Variants in COL23A1 observed in about 807,000 individuals in gnomAD.
The protein encoded by COL23A1 is collagen alpha-1(XXIII) chain.
In COL23A1, 97 loss-of-function variants were observed where a neutral mutation model predicts 99.3. That is an observed-to-expected ratio of 0.98 (90% CI 0.83 to 1.16). The LOEUF (loss-of-function observed/expected upper bound fraction) is 1.16. COL23A1 is among the 50% of genes most tolerant of loss of function. The pLI is 0.00. For synonymous variants in COL23A1, 320 were observed against 308.2 expected, an observed-to-expected ratio of 1.04 and a Z score of -0.40; for missense variants, 762 against 757.4, an observed-to-expected ratio of 1.01 and a Z score of -0.07.
At chr5:178,438,772 T>A (rs1454973379) in intron 2 of COL23A1, 2 of 152,132 alleles carry the variant, frequency 1.3e-5, no homozygotes, top group Non-Finnish European at 2.9e-5. Context: ...AGAACACTCT[T>A]TTAGGAAATG....
chr5:178,315,115 G>A (rs900877484), intron 2 of COL23A1, among the ~76,000 whole-genome samples: 5 of 152,182 alleles, frequency 3.3e-5, no homozygotes, highest in East Asian at 1.9e-4. Context: ...CAAAATGCCT[G>A]CAGTTTCTGG....
chr5:178,381,579 C>T (rs762718977), intron 2 of COL23A1, among the ~76,000 whole-genome samples: 30 of 152,324 alleles, frequency 2.0e-4, no homozygotes, highest in Non-Finnish European at 3.5e-4. Context: ...GGCTGTCATG[C>T]CATATGGGAA....
At chr5:178,429,727 G>A (rs1581376166) in intron 2 of COL23A1, among the ~76,000 whole-genome samples, 1 of 148,492 alleles carries the variant, frequency 6.7e-6, no homozygotes, top group South Asian at 2.2e-4. Flanking sequence ...AGAGGGATCT[G>A]AGCACATGGC....
At chr5:178,421,874 A>T (rs373569595) in intron 2 of COL23A1, among the ~76,000 whole-genome samples, 108 of 152,290 alleles carry the variant, frequency 7.1e-4, no homozygotes, top group African/African-American at 2.4e-3. Context: ...TTGTCTCAAA[A>T]CACACACGCA....
chr5:178,294,166 C>T (rs1757608835), intron 3 of COL23A1, among the ~76,000 whole-genome samples: 2 of 152,130 alleles, frequency 1.3e-5, no homozygotes. Flanking sequence ...TCCTCACTGT[C>T]TTGTTCCTAA....
chr5:178,356,368 A>G (rs1433148531), intron 2 of COL23A1, among the ~76,000 whole-genome samples: 1 of 106,970 alleles, frequency 9.3e-6, no homozygotes, highest in Non-Finnish European at 1.9e-5. Context: ...GTATATCAAT[A>G]AAGCTGTTAT....
chr5:178,262,039 G>A (rs1252443422), intron 10 of COL23A1, among the ~76,000 whole-genome samples, 178 bp downstream of exon 10: 1 of 152,242 alleles, frequency 6.6e-6, no homozygotes, highest in African/African-American at 2.4e-5. Flanking sequence ...CCCCAGGGTG[G>A]CTGGAGGGGC....
intron 1 of COL23A1, among the ~76,000 whole-genome samples, chr5:178,578,828 T>C (rs1323419402): frequency 6.6e-6 from 1 of 152,196 alleles, no homozygotes; most frequent in Non-Finnish European, 1.5e-5. Flanking sequence ...AGCAGACTTT[T>C]TTTTTTTGAG....
chr5:178,420,992 G>A (rs1234617465), intron 2 of COL23A1, among the ~76,000 whole-genome samples: 1 of 151,974 alleles, frequency 6.6e-6, no homozygotes, highest in Non-Finnish European at 1.5e-5. Context: ...CCAACCCCAG[G>A]GAGCCGCAGG....
At chr5:178,277,527 T>C (rs115742603) in intron 5 of COL23A1, among the ~76,000 whole-genome samples, 2,578 of 152,346 alleles carry the variant, frequency 0.017, 79 homozygotes, top group African/African-American at 0.058. Flanking sequence ...GTCTCACGCC[T>C]AGCCTGCTGC....
intron 2 of COL23A1, among the ~76,000 whole-genome samples, chr5:178,440,616 C>CTTTTTTTTT (rs746471784): frequency 7.0e-6 from 1 of 142,054 alleles, no homozygotes; most frequent in Non-Finnish European, 1.5e-5. Flanking sequence ...TTTCATCTTT[C>CTTTTTTTTT]TTTTTTTTTT....
chr5:178,424,689 C>T (rs17648414), intron 2 of COL23A1, among the ~76,000 whole-genome samples: 41,551 of 152,146 alleles, frequency 0.27, 6,615 homozygotes, highest in Middle Eastern at 0.38. Context: ...CCAATTAAAC[C>T]TGAGCTGTCA....
At chr5:178,445,952 G>A (rs924017784) in intron 2 of COL23A1, among the ~76,000 whole-genome samples, 3 of 152,092 alleles carry the variant, frequency 2.0e-5, no homozygotes, top group Non-Finnish European at 4.4e-5. Flanking sequence ...GGGCTGAAAT[G>A]TCTGATGTAA....
intron 1 of COL23A1, among the ~76,000 whole-genome samples, chr5:178,568,064 G>A (rs1424172377): frequency 1.8e-4 from 27 of 152,214 alleles, no homozygotes; most frequent in Admixed American, 1.3e-3. Context: ...ATGGGCCCCC[G>A]ATGGGATGCC....
At chr5:178,587,127 T>C (rs1764045388) in intron 1 of COL23A1, among the ~76,000 whole-genome samples, 1 of 152,236 alleles carries the variant, frequency 6.6e-6, no homozygotes, top group South Asian at 2.1e-4. Flanking sequence ...ATTGTAACTA[T>C]AGGTATAAGA....
chr5:178,571,276 C>T (rs1044950750), intron 1 of COL23A1, among the ~76,000 whole-genome samples: 2 of 151,980 alleles, frequency 1.3e-5, no homozygotes, highest in African/African-American at 2.4e-5. Context: ...GCAGGAGAAT[C>T]GCTTGAACCC....
At chr5:178,427,027 T>C (rs1349410188) in intron 2 of COL23A1, among the ~76,000 whole-genome samples, 1 of 152,050 alleles carries the variant, frequency 6.6e-6, no homozygotes, top group Non-Finnish European at 1.5e-5. Context: ...TGAAACCCCG[T>C]CTCTACTAAA....
chr5:178,431,487 G>A (rs544538929), intron 2 of COL23A1, among the ~76,000 whole-genome samples: 6 of 152,288 alleles, frequency 3.9e-5, no homozygotes, highest in Non-Finnish European at 7.4e-5. Context: ...TCCGGATATC[G>A]AGACGGGGAG....
intron 2 of COL23A1, among the ~76,000 whole-genome samples, chr5:178,393,027 G>C (rs1399594254): frequency 5.9e-5 from 9 of 152,326 alleles, no homozygotes; most frequent in South Asian, 4.1e-4. Context: ...GGCAGGACAA[G>C]AGCCCAAGGA....
Sources: allele counts gnomAD v4.1 joint callset (sites outside exome capture counted in the v4.1 genomes callset), GRCh38; gene constraint gnomAD v4.1.1; transcripts MANE v1.5; gene names NCBI Gene and HGNC (gene_info 2026-07-23, HGNC 2026-07-21).